The following SPIDR variants were observed in gnomAD, a reference collection of about 807,000 sequenced individuals.
SPIDR encodes the protein scaffold protein involved in DNA repair.
Under a neutral mutation model 104.6 loss-of-function variants are expected in SPIDR, and 93 were observed. The ratio of observed to expected loss-of-function variants is 0.89; its 90% CI spans 0.75 to 1.06. The LOEUF (loss-of-function observed/expected upper bound fraction) is 1.06, where lower values mean the gene tolerates loss of function less well. Among genes scored for constraint, SPIDR ranks in the 50% least tolerant of loss-of-function variants. SPIDR has a pLI of 0.00. For synonymous variants in SPIDR, 431 were observed against 416.9 expected, an observed-to-expected ratio of 1.03 and a Z score of -0.41; for missense variants, 1,154 against 1,111.2, an observed-to-expected ratio of 1.04 and a Z score of -0.55.
At chr8:47,269,713 G>T (rs1215997650) in intron 1 of SPIDR, among the ~76,000 whole-genome samples, 3 of 152,178 alleles carry the variant, frequency 2.0e-5, no homozygotes, top group Non-Finnish European at 4.4e-5. Flanking sequence ...TAAGTGGGAA[G>T]AGTTGACATC....
intron 8 of SPIDR, among the ~76,000 whole-genome samples, chr8:47,452,767 C>T (rs1554706965): frequency 6.6e-6 from 1 of 152,142 alleles, no homozygotes; most frequent in East Asian, 1.9e-4. Context: ...ACTGAATGGG[C>T]AGAAACTGGA....
intron 19 of SPIDR, among the ~76,000 whole-genome samples, chr8:47,734,983 T>C (rs1219704755): frequency 2.0e-5 from 3 of 152,164 alleles, no homozygotes; most frequent in Admixed American, 6.5e-5. Context: ...GGGCACTGTG[T>C]GCCCAGCCCC....
At chr8:47,348,061 G>C (rs935013974) in intron 5 of SPIDR, among the ~76,000 whole-genome samples, 1 of 152,102 alleles carries the variant, frequency 6.6e-6, no homozygotes, top group African/African-American at 2.4e-5. Flanking sequence ...TTTACAATTT[G>C]GCATGTTTTT....
In SPIDR at chr8:47,318,319, C is replaced by G. The variant is rs531986500; in HGVS notation, c.525+24289C>G. 1.9e-4 allele frequency among the ~76,000 whole-genome samples: 29 copies of G among 151,822 alleles called. No individual in the cohort carries two copies. In the East Asian group the frequency reaches 5.6e-3, roughly 29 times the overall value. On this transcript the variant is annotated intron_variant, in intron 5 of 19. Coordinates refer to ENST00000297423, the MANE Select transcript of SPIDR (RefSeq NM_001080394.4). ...AATGCACAAGCCTCAGTAGCCGATT[C>G]GATCAACTGGAAGAAAGGGTATCAG... is the stretch of plus-strand genomic sequence containing the variant.
chr8:47,407,908 C>G lies in SPIDR; in HGVS notation c.824C>G (p.Ser275Cys). The change falls in exon 7 of 20, where the codon TCT becomes TGT. Residue 275 changes from serine to cysteine, a missense_variant. Transcript: ENST00000297423. ...AATGGACTGCAGAATCGAGAGAGAT[C>G]TGCTATTTCTTTGTGGAGACATCAA... is the stretch of plus-strand genomic sequence containing the variant. Reference protein sequence around the residue: ...RLNGLQNRERSAISLWRHQCI... With the variant: ...RLNGLQNRERCAISLWRHQCI... The G allele has an allele frequency of 6.2e-7, 1 of 1,606,264 alleles. No homozygotes were observed. The highest frequency in any genetic ancestry group is 8.5e-7 in the Non-Finnish European group (1 of 1,174,932).
chr8:47,466,730 A>G (rs1196527406), intron 8 of SPIDR, among the ~76,000 whole-genome samples: 4 of 151,150 alleles, frequency 2.6e-5, no homozygotes, highest in East Asian at 1.9e-4. Context: ...TTAGATTCCA[A>G]TTTAACAACC....
chr8:47,512,160 C>T, intron 8 of SPIDR: 1 of 403,518 alleles, frequency 2.5e-6, no homozygotes. Context: ...TCCCATGCGC[C>T]TCCCCACATC....
intron 10 of SPIDR, among the ~76,000 whole-genome samples, chr8:47,664,256 A>G (rs1055448477): frequency 6.6e-6 from 1 of 152,100 alleles, no homozygotes; most frequent in Non-Finnish European, 1.5e-5. Flanking sequence ...CAGCTCACCC[A>G]TAGGTTGGAG....
Position 47,260,978 on chromosome 8 carries a change from C to T in SPIDR, c.20C>T (p.Ala7Val). ...CCGGAGATGCCCCGCGGCAGCCGCG[C>T]TCGGGGCTCTAAGGTAGGCTCTGGG... Reference protein sequence around the residue: MPRGSRARGSKRKRSWN... With the variant: MPRGSRVRGSKRKRSWN... Residue 7 changes from alanine to valine, a missense_variant, in exon 1 of 20, where the codon GCT (alanine) becomes GTT (valine). Ala to Val is a moderately conservative substitution (Grantham distance 64). Transcript: ENST00000297423. The T allele has an allele frequency of 8.1e-7, 1 of 1,230,490 alleles. No homozygotes were observed. Among genetic ancestry groups the T allele is most frequent in the Non-Finnish European group, 1.0e-6 (1 of 986,894 alleles). 76.2% of individuals were successfully genotyped at this position (1,230,490 alleles called of 1,614,324 possible).
At chr8:47,550,085 G>T (rs1209625168) in intron 8 of SPIDR, among the ~76,000 whole-genome samples, 1 of 152,096 alleles carries the variant, frequency 6.6e-6, no homozygotes, top group Non-Finnish European at 1.5e-5. Context: ...TAGATGTGTG[G>T]TATTATTTCT....
chr8:47,566,873 T>C (rs979032514), intron 8 of SPIDR, among the ~76,000 whole-genome samples: 2 of 152,182 alleles, frequency 1.3e-5, no homozygotes, highest in Non-Finnish European at 2.9e-5. Context: ...ATCACAGATA[T>C]CTTAGTGTAG....
intron 10 of SPIDR, among the ~76,000 whole-genome samples, chr8:47,647,616 A>AGAGAG (rs2070674174): frequency 2.6e-4 from 16 of 60,460 alleles, no homozygotes; most frequent in African/African-American, 5.1e-4. Flanking sequence ...TCCATCTCGA[A>AGAGAG]AGAGAGAGAG....
chr8:47,711,554 C>T (rs1056484976), intron 14 of SPIDR, among the ~76,000 whole-genome samples: 1 of 151,968 alleles, frequency 6.6e-6, no homozygotes, highest in Non-Finnish European at 1.5e-5. Context: ...AGCCAAGATC[C>T]GGGTTCTAGG....
At position 47,418,525 on chromosome 8, in the gene SPIDR, A is replaced by G. The variant is rs544453431; in HGVS notation, c.877+10564A>G. Among the ~76,000 whole-genome samples the G allele has an allele frequency of 2.5e-4, 38 of 152,310 alleles. No homozygotes were observed. In the South Asian group the frequency reaches 7.5e-3, roughly 30 times the overall value. ...CAGCTTAAGGAGATTTTGGGCTGAG[A>G]CGATGGGTTTTTCTAGATATACAAT... is the stretch of plus-strand genomic sequence containing the variant. On this transcript the variant is annotated intron_variant, in intron 7 of 19. Coordinates refer to ENST00000297423, the MANE Select transcript of SPIDR (RefSeq NM_001080394.4).
chr8:47,613,520 T>C (rs1240460918), intron 10 of SPIDR, among the ~76,000 whole-genome samples: 3 of 151,802 alleles, frequency 2.0e-5, no homozygotes, highest in Non-Finnish European at 4.4e-5. Flanking sequence ...TGCTTAGGAG[T>C]AAGTTACTGG....
At chr8:47,300,537 G>A (rs899964882) in intron 5 of SPIDR, among the ~76,000 whole-genome samples, 1 of 152,304 alleles carries the variant, frequency 6.6e-6, no homozygotes, top group South Asian at 2.1e-4. Flanking sequence ...TAATTGGGAT[G>A]TTAGGGTGTC....
chr8:47,298,418 A>G (rs1171983691), intron 5 of SPIDR, among the ~76,000 whole-genome samples: 1 of 152,040 alleles, frequency 6.6e-6, no homozygotes, highest in Admixed American at 6.6e-5. Flanking sequence ...GTTCACTCTG[A>G]TGGTAGTTTC....
intron 5 of SPIDR, among the ~76,000 whole-genome samples, chr8:47,374,051 G>C (rs138138190): frequency 2.0e-5 from 3 of 152,190 alleles, no homozygotes; most frequent in African/African-American, 7.2e-5. Flanking sequence ...TCTAGGTGTG[G>C]TGATGGTTTC....
At chr8:47,362,566 G>C (rs1770693272) in intron 5 of SPIDR, among the ~76,000 whole-genome samples, 1 of 152,146 alleles carries the variant, frequency 6.6e-6, no homozygotes, top group African/African-American at 2.4e-5. Flanking sequence ...AAATGAAATA[G>C]ATCAGGCACA....
Sources: gnomAD v4.1 joint callset for allele counts (sites outside exome capture counted in the v4.1 genomes callset) on GRCh38, gnomAD v4.1.1 for gene constraint, MANE v1.5 for transcripts, NCBI Gene and HGNC (gene_info 2026-07-23, HGNC 2026-07-21) for gene names.